KCNAB1: variants seen among roughly 807,000 people sequenced by gnomAD.
KCNAB1 encodes voltage-gated potassium channel subunit beta-1.
A neutral mutation model predicts 64.6 loss-of-function variants in KCNAB1; 35 were observed. The observed-to-expected ratio is 0.54, with a 90% CI of 0.41 to 0.72. KCNAB1 has a LOEUF of 0.72. Ranked by LOEUF, KCNAB1 falls within the 30% of genes least tolerant of loss-of-function variation. The pLI is 0.00. For synonymous variants in KCNAB1, 177 were observed against 183.8 expected (o/e 0.96, Z 0.30); for missense variants, 401 against 512.9 (o/e 0.78, Z 2.11).
At chr3:156,177,260 T>C (rs1712439927) in intron 1 of KCNAB1, among the ~76,000 whole-genome samples, 1 of 152,214 alleles carries the variant, frequency 6.6e-6, no homozygotes, top group South Asian at 2.1e-4. Context: ...AATCACGTTA[T>C]GTGGGGTTCT....
rs937037583 is a variant in KCNAB1, at chr3:156,344,169, T to C, written c.276-77447T>C. Among the ~76,000 whole-genome samples, 4 of 152,144 alleles carry C rather than the reference T, an allele frequency of 2.6e-5. No individual in the cohort carries two copies. The East Asian group carries it at 5.8e-4, about 22-fold the overall frequency. On this transcript the variant is annotated intron_variant, in intron 1 of 13. Transcript: ENST00000490337. ...GAGCTCAATATCCTATCATTTGAGC[T>C]CAGCTCTTTCTGGCTAACTTCCTAA...
At chr3:156,396,170 G>T (rs1019624194) in intron 1 of KCNAB1, among the ~76,000 whole-genome samples, 3 of 152,046 alleles carry the variant, frequency 2.0e-5, no homozygotes, top group Non-Finnish European at 4.4e-5. Flanking sequence ...TCTTCTCTGA[G>T]GTCACCTTTG....
chr3:156,534,504 G>A (rs1282203581), intron 13 of KCNAB1, among the ~76,000 whole-genome samples: 3 of 152,100 alleles, frequency 2.0e-5, no homozygotes, highest in Non-Finnish European at 4.4e-5. Flanking sequence ...CATCAGAGAA[G>A]GCCAGGCTCC....
intron 1 of KCNAB1, among the ~76,000 whole-genome samples, chr3:156,191,877 A>G (rs1285257247): frequency 1.3e-5 from 2 of 152,258 alleles, no homozygotes; most frequent in East Asian, 3.9e-4. Flanking sequence ...CCTCACAAAC[A>G]AGACTGAATT....
intron 8 of KCNAB1, among the ~76,000 whole-genome samples, chr3:156,510,300 G>GTGCTGC (rs1717117739): frequency 1.3e-5 from 2 of 152,132 alleles, no homozygotes; most frequent in Admixed American, 1.3e-4. Context: ...ATTGAGACTA[G>GTGCTGC]AATTCATCAA....
intron 12 of KCNAB1, among the ~76,000 whole-genome samples, chr3:156,531,112 G>A (rs1210537419): frequency 1.3e-5 from 2 of 152,172 alleles, no homozygotes; most frequent in South Asian, 2.1e-4. Flanking sequence ...CAGTGCATCT[G>A]TGTTTTCTGC....
At chr3:156,180,322 G>A (rs35120330) in intron 1 of KCNAB1, among the ~76,000 whole-genome samples, 16,002 of 152,274 alleles carry the variant, frequency 0.11, 1,153 homozygotes, top group Non-Finnish European at 0.15. Flanking sequence ...AGATTAGTCT[G>A]ACTCATAAAC....
chr3:156,261,643 A>G (rs1718435928), intron 1 of KCNAB1, among the ~76,000 whole-genome samples: 1 of 152,000 alleles, frequency 6.6e-6, no homozygotes, highest in Non-Finnish European at 1.5e-5. Context: ...TGGTGACTAT[A>G]GCTTTGGAGT....
chr3:156,505,814 G>A (rs563586829), intron 8 of KCNAB1, among the ~76,000 whole-genome samples: 2 of 152,284 alleles, frequency 1.3e-5, no homozygotes, highest in South Asian at 4.1e-4. Context: ...AAGAGGGGGA[G>A]AGGGAGTGTA....
At chr3:156,250,157 A>C (rs191461591) in intron 1 of KCNAB1, among the ~76,000 whole-genome samples, 9 of 152,288 alleles carry the variant, frequency 5.9e-5, no homozygotes, top group Admixed American at 4.6e-4. Flanking sequence ...AGAAATTGAC[A>C]TTGTAGGAGA....
At chr3:156,534,620 C>A (rs1718930693) in intron 13 of KCNAB1, among the ~76,000 whole-genome samples, 1 of 152,202 alleles carries the variant, frequency 6.6e-6, no homozygotes, top group Admixed American at 6.5e-5. Flanking sequence ...CCTCTGCCTA[C>A]AAACTGACCA....
intron 11 of KCNAB1, among the ~76,000 whole-genome samples, chr3:156,517,904 T>C (rs571312520): frequency 1.3e-5 from 2 of 152,348 alleles, no homozygotes; most frequent in East Asian, 3.9e-4. Context: ...CAGAAAAGGC[T>C]GATATTAGAA....
Position 156,306,789 on chromosome 3 carries a change from G to A in KCNAB1, c.276-114827G>A, listed in dbSNP as rs574040040. 1.4e-4 allele frequency among the ~76,000 whole-genome samples: 21 copies of A among 152,310 alleles called. 1 individual carries two copies. The highest frequency in any genetic ancestry group is 2.4e-4 in the African/African-American group (10 of 41,572). On this transcript the variant is annotated intron_variant, in intron 1 of 13. Transcript: ENST00000490337. ...GTTTCCAACCTCTCCCAAGTTCTGC[G>A]AAGCCCCTGGTGTGGCTTGAAAGCA... is the stretch of plus-strand genomic sequence containing the variant.
intron 1 of KCNAB1, chr3:156,143,566 C>CTTTT: frequency 6.3e-6 from 1 of 159,602 alleles, no homozygotes; most frequent in Non-Finnish European, 1.0e-5. Flanking sequence ...GGGTTGCATT[C>CTTTT]TTGTTTTTTT....
intron 1 of KCNAB1, among the ~76,000 whole-genome samples, chr3:156,183,538 G>C (rs1221935036): frequency 6.6e-6 from 1 of 152,204 alleles, no homozygotes; most frequent in African/African-American, 2.4e-5. Context: ...GAACATTGAA[G>C]TTGACTTGGC....
chr3:156,437,931 T>A (rs548554008), intron 2 of KCNAB1, among the ~76,000 whole-genome samples: 2 of 152,342 alleles, frequency 1.3e-5, no homozygotes, highest in African/African-American at 4.8e-5. Flanking sequence ...CTCATAGAGT[T>A]CATTCCTACA....
rs75171919 is a variant in KCNAB1, at chr3:156,352,967, C to T, written c.276-68649C>T. Among the ~76,000 whole-genome samples the T allele has an allele frequency of 6.0e-3, 916 of 152,374 alleles. 10 individuals carry two copies. Among genetic ancestry groups the T allele is most frequent in the African/African-American group, 0.02 (829 of 41,602 alleles). On this transcript the variant is annotated intron_variant, in intron 1 of 13. Coordinates refer to ENST00000490337, the MANE Select transcript of KCNAB1 (RefSeq NM_172160.3). Reference sequence around the variant, plus strand: ...TCTGGCTTCTCAGCCAGGAGCAGCACAGATGCCTGGGCTCACCCCACACAT... The same window carrying T: ...TCTGGCTTCTCAGCCAGGAGCAGCATAGATGCCTGGGCTCACCCCACACAT...
At chr3:156,385,863 A>G (rs1037780219) in intron 1 of KCNAB1, among the ~76,000 whole-genome samples, 8 of 152,102 alleles carry the variant, frequency 5.3e-5, no homozygotes, top group Non-Finnish European at 1.2e-4. Context: ...TTGGATTTCA[A>G]TTTTTTTAAT....
chr3:156,231,064 A>G (rs1425903153), intron 1 of KCNAB1, among the ~76,000 whole-genome samples: 4 of 152,194 alleles, frequency 2.6e-5, no homozygotes, highest in African/African-American at 9.7e-5. Context: ...GCTCTGGTGC[A>G]CAGGTGTACC....
Sources: gnomAD v4.1 joint callset for allele counts (sites outside exome capture counted in the v4.1 genomes callset) on GRCh38, gnomAD v4.1.1 for gene constraint, MANE v1.5 for transcripts, NCBI Gene and HGNC (gene_info 2026-07-23, HGNC 2026-07-21) for gene names.